Variants in MAGI2 observed in about 807,000 individuals in gnomAD.
MAGI2 encodes the protein membrane associated guanylate kinase, WW and PDZ domain containing 2, also known as membrane-associated guanylate kinase, WW and PDZ domain-containing protein 2.
Under a neutral mutation model 133.3 loss-of-function variants are expected in MAGI2, and 35 were observed. The observed-to-expected ratio is 0.26, with a 90% CI of 0.20 to 0.35. MAGI2 has a LOEUF of 0.35. Ranked by LOEUF, MAGI2 falls within the 10% of genes least tolerant of loss-of-function variation. The pLI is 1.00. For missense variants in MAGI2, 1,636 were observed against 1,863.4 expected (o/e 0.88, Z 2.25); for synonymous variants, 729 against 710.6 (o/e 1.03, Z -0.41).
chr7:79,269,638 T>C (rs1020860245), intron 1 of MAGI2, among the ~76,000 whole-genome samples: 10 of 152,230 alleles, frequency 6.6e-5, no homozygotes, highest in Non-Finnish European at 1.5e-4. Flanking sequence ...GTAATGTTTA[T>C]GAAACTGCCT....
chr7:78,790,574 C>T (rs1037755986), intron 2 of MAGI2, among the ~76,000 whole-genome samples: 90 of 152,094 alleles, frequency 5.9e-4, no homozygotes, highest in Non-Finnish European at 1.5e-4. Context: ...GCTTGGATTA[C>T]AGGCGCCCAC....
intron 1 of MAGI2, among the ~76,000 whole-genome samples, chr7:79,072,699 A>G (rs1377871552): frequency 6.6e-6 from 1 of 152,266 alleles, no homozygotes; most frequent in East Asian, 1.9e-4. Flanking sequence ...TTTTAGTGCA[A>G]TTAGCAAAGT....
chr7:78,983,826 G>T (rs1194892071), intron 2 of MAGI2, among the ~76,000 whole-genome samples: 1 of 151,808 alleles, frequency 6.6e-6, no homozygotes, highest in African/African-American at 2.4e-5. Context: ...TCATTCCTAA[G>T]ATCAATTTTC....
At chr7:79,135,238 G>A (rs1457950081) in intron 1 of MAGI2, among the ~76,000 whole-genome samples, 1 of 150,692 alleles carries the variant, frequency 6.6e-6, no homozygotes, top group Non-Finnish European at 1.5e-5. Flanking sequence ...AAAAAAAACA[G>A]TATCAGGGAA....
At chr7:79,028,289 A>G (rs1238519440) in intron 1 of MAGI2, among the ~76,000 whole-genome samples, 12 of 51,942 alleles carry the variant, frequency 2.3e-4, no homozygotes, top group Middle Eastern at 8.9e-3. Context: ...ATATATATAT[A>G]TATGTGTGTA....
intron 1 of MAGI2, among the ~76,000 whole-genome samples, chr7:79,417,669 C>T (rs1846627623): frequency 6.6e-6 from 1 of 151,860 alleles, no homozygotes; most frequent in Admixed American, 6.6e-5. Flanking sequence ...ATTTTAATTC[C>T]TGTGATCCTG....
chr7:78,288,001 G>A (rs778799943), intron 9 of MAGI2, among the ~76,000 whole-genome samples: 1 of 152,112 alleles, frequency 6.6e-6, no homozygotes, highest in African/African-American at 2.4e-5. Context: ...ATTTAGACAA[G>A]AGAAGAAGAA....
intron 6 of MAGI2, among the ~76,000 whole-genome samples, chr7:78,477,307 T>C (rs1161886829): frequency 6.6e-6 from 1 of 151,992 alleles, no homozygotes; most frequent in Admixed American, 6.6e-5. Flanking sequence ...TGTGAAGGCA[T>C]AGAAAACAAC....
chr7:79,109,631 T>A (rs1818743779), intron 1 of MAGI2, among the ~76,000 whole-genome samples: 1 of 152,176 alleles, frequency 6.6e-6, no homozygotes, highest in South Asian at 2.1e-4. Context: ...AGCCTGGCCA[T>A]GTGACAGAGA....
At chr7:78,705,677 G>A (rs577746300) in intron 2 of MAGI2, among the ~76,000 whole-genome samples, 2 of 152,136 alleles carry the variant, frequency 1.3e-5, no homozygotes, top group Admixed American at 6.6e-5. Context: ...ATCGTTTTGT[G>A]TCATGTAGGC....
intron 2 of MAGI2, among the ~76,000 whole-genome samples, chr7:78,653,221 G>C (rs971558987): frequency 2.0e-5 from 3 of 152,176 alleles, no homozygotes; most frequent in African/African-American, 7.2e-5. Flanking sequence ...ATGGAAAATA[G>C]TGTGGTGATT....
chr7:78,993,085 G>T (rs960016611), intron 2 of MAGI2, among the ~76,000 whole-genome samples: 2 of 151,944 alleles, frequency 1.3e-5, no homozygotes, highest in Non-Finnish European at 2.9e-5. Context: ...AAAAACTCAT[G>T]TACTTAAAGT....
At chr7:78,211,869 T>C (rs1487026734) in intron 10 of MAGI2, among the ~76,000 whole-genome samples, 1 of 152,236 alleles carries the variant, frequency 6.6e-6, no homozygotes, top group African/African-American at 2.4e-5. Flanking sequence ...ACGACTTGTT[T>C]TGATTTGCTT....
intron 1 of MAGI2, among the ~76,000 whole-genome samples, chr7:79,380,663 T>C (rs1010476243): frequency 5.9e-5 from 9 of 151,796 alleles, no homozygotes; most frequent in Non-Finnish European, 4.4e-5. Context: ...CTAAATTCTT[T>C]GTTTAATCTT....
In MAGI2 at chr7:78,886,368, T is replaced by C. The variant is rs577893896; in HGVS notation, c.418+120722A>G. Among the ~76,000 whole-genome samples the C allele has an allele frequency of 8.5e-5, 13 of 152,360 alleles. No homozygotes were observed. In the East Asian group the frequency reaches 2.1e-3, roughly 25 times the overall value. On this transcript the variant is annotated intron_variant, in intron 2 of 21. Transcript: ENST00000354212. ...ATTAATTGATTCTTGACAACTTTAATGAGTCTTTATTAACTGCATAATTGA... is the reference window on the plus strand; with the variant it reads ...ATTAATTGATTCTTGACAACTTTAACGAGTCTTTATTAACTGCATAATTGA...
chr7:78,180,898 G>A (rs1008094238), intron 13 of MAGI2, among the ~76,000 whole-genome samples: 2 of 141,764 alleles, frequency 1.4e-5, no homozygotes, highest in African/African-American at 5.3e-5. Flanking sequence ...AAGTTCATAT[G>A]ATAGATTGTG....
At chr7:79,378,011 ATAAT>A (rs773570592) in intron 1 of MAGI2, among the ~76,000 whole-genome samples, 14 of 151,994 alleles carry the variant, frequency 9.2e-5, no homozygotes, top group Non-Finnish European at 1.6e-4. Context: ...GTTTTCACAG[ATAAT>A]TAAGAAATCT....
chr7:78,540,067 G>A (rs1382753603), intron 3 of MAGI2, among the ~76,000 whole-genome samples: 2 of 152,196 alleles, frequency 1.3e-5, no homozygotes, highest in Admixed American at 1.3e-4. Flanking sequence ...GATCATATAG[G>A]GGGATATAAG....
At chr7:78,231,473 CAAA>C (rs1789966594) in intron 10 of MAGI2, among the ~76,000 whole-genome samples, 1 of 152,220 alleles carries the variant, frequency 6.6e-6, no homozygotes, top group Non-Finnish European at 1.5e-5. Context: ...CAACGAAAAA[CAAA>C]TTCCATTCAT....
Sources: gnomAD v4.1 joint callset for allele counts (sites outside exome capture counted in the v4.1 genomes callset) on GRCh38, gnomAD v4.1.1 for gene constraint, MANE v1.5 for transcripts, NCBI Gene and HGNC (gene_info 2026-07-23, HGNC 2026-07-21) for gene names.